CFAP221: variants seen among roughly 807,000 people sequenced by gnomAD.
The protein encoded by CFAP221 is cilia- and flagella-associated protein 221.
In CFAP221, 97 loss-of-function variants were observed where a neutral mutation model predicts 113.1. The observed-to-expected ratio is 0.86, with a 90% CI of 0.73 to 1.02. CFAP221 has a LOEUF of 1.02. CFAP221 is among the 50% of genes least tolerant of loss of function. CFAP221 has a pLI of 0.00. For synonymous variants in CFAP221, 331 were observed against 354.4 expected (o/e 0.93, Z 0.74); for missense variants, 1,025 against 1,013.4 (o/e 1.01, Z -0.16).
intron 22 of CFAP221, among the ~76,000 whole-genome samples, chr2:119,650,894 T>G (rs949092395): frequency 3.3e-5 from 5 of 152,256 alleles, no homozygotes; most frequent in African/African-American, 1.2e-4. Flanking sequence ...ATGTCACTGC[T>G]GAGTAAAGTG....
At chr2:119,623,743 A>C (rs1686101808) in intron 14 of CFAP221, among the ~76,000 whole-genome samples, 1 of 152,194 alleles carries the variant, frequency 6.6e-6, no homozygotes, top group Admixed American at 6.5e-5. Context: ...TATTTGACAA[A>C]CCTGACAAAA....
At chr2:119,553,832 C>T (rs2105023371) in intron 3 of CFAP221, among the ~76,000 whole-genome samples, 1 of 152,314 alleles carries the variant, frequency 6.6e-6, no homozygotes, top group Middle Eastern at 3.4e-3. Flanking sequence ...TCCCCAGCAC[C>T]TTGTGCAGTG....
intron 7 of CFAP221, among the ~76,000 whole-genome samples, chr2:119,596,750 G>A (rs1158659398): frequency 6.6e-6 from 1 of 152,242 alleles, no homozygotes; most frequent in Non-Finnish European, 1.5e-5. Flanking sequence ...ATCTGCTATG[G>A]CTGAGCAGGG....
chr2:119,637,700 T>C (rs1687203655), intron 19 of CFAP221, among the ~76,000 whole-genome samples: 1 of 152,100 alleles, frequency 6.6e-6, no homozygotes, highest in Non-Finnish European at 1.5e-5. Flanking sequence ...TGCTGGAAAA[T>C]TAATAAAAAA....
intron 19 of CFAP221, among the ~76,000 whole-genome samples, chr2:119,633,246 C>T (rs1686902309): frequency 6.6e-6 from 1 of 151,510 alleles, no homozygotes; most frequent in African/African-American, 2.4e-5. Context: ...AATAGAAAAC[C>T]TGAAACTATA....
intron 19 of CFAP221, among the ~76,000 whole-genome samples, chr2:119,632,594 C>G (rs1438129176): frequency 6.6e-6 from 1 of 151,456 alleles, no homozygotes; most frequent in African/African-American, 2.4e-5. Flanking sequence ...GATGTCTGCT[C>G]TCACTAATTC....
In CFAP221 at chr2:119,656,513, C is replaced by T. The variant is rs1453882277; in HGVS notation, c.*43C>T. ...GTCCCTTCCATTTGCTTTCCGTGGG[C>T]CACTGTGGCCCCTTGCGTCCATTTA... On this transcript the variant is annotated 3_prime_UTR_variant, in exon 24 of 24. Transcript: ENST00000413369. 2 of 1,380,820 alleles carry T rather than the reference C, an allele frequency of 1.4e-6. No homozygotes were observed. Among genetic ancestry groups the T allele is most frequent in the Non-Finnish European group, 2.1e-6 (2 of 973,794 alleles). The allele number at this position is 1,380,820 out of a possible 1,614,324, so 85.5% of individuals were successfully genotyped here.
At chr2:119,569,125 A>G (rs1681860077) in intron 6 of CFAP221, among the ~76,000 whole-genome samples, 2 of 150,258 alleles carry the variant, frequency 1.3e-5, no homozygotes, top group African/African-American at 4.9e-5. Context: ...GACTTCTTTC[A>G]ATTTATTTAT....
At chr2:119,593,760 C>T (rs1683757400) in intron 7 of CFAP221, among the ~76,000 whole-genome samples, 1 of 152,094 alleles carries the variant, frequency 6.6e-6, no homozygotes, top group African/African-American at 2.4e-5. Flanking sequence ...ATGGCGTGAA[C>T]CTGGGAGGCG....
At chr2:119,621,282 C>T (rs941988224) in intron 14 of CFAP221, among the ~76,000 whole-genome samples, 4 of 151,006 alleles carry the variant, frequency 2.6e-5, no homozygotes, top group South Asian at 2.1e-4. Flanking sequence ...GACTTTAAAC[C>T]GACAAAGATC....
At chr2:119,626,469 T>C (rs913456859) in intron 15 of CFAP221, among the ~76,000 whole-genome samples, 1 of 152,152 alleles carries the variant, frequency 6.6e-6, no homozygotes, top group African/African-American at 2.4e-5. Context: ...GAAGTTTGGC[T>C]GTGACTAGAC....
intron 22 of CFAP221, chr2:119,648,559 G>C (rs1687947545): frequency 5.3e-6 from 1 of 190,188 alleles, no homozygotes; most frequent in Non-Finnish European, 1.3e-5. Context: ...TGGTCCCAGA[G>C]TTCCTCCCTA....
rs1367029113 is a variant in CFAP221, at chr2:119,561,735, G to A, written c.427-279G>A. On this transcript the variant is annotated intron_variant, in intron 5 of 23. Transcript: ENST00000413369. ...TTCTTTATAATTTTCTGAAATAGAA[G>A]CAGATAGATTACTGTCTTCATATCT... Among the ~76,000 whole-genome samples the A allele has an allele frequency of 3.3e-5, 5 of 151,160 alleles. No homozygotes were observed. In the East Asian group the frequency reaches 9.6e-4, roughly 29 times the overall value.
intron 20 of CFAP221, 65 bp downstream of exon 20, chr2:119,638,482 G>A: frequency 6.3e-7 from 1 of 1,584,116 alleles, no homozygotes. Flanking sequence ...AGGGGACAAG[G>A]ACAGGGTCAC....
At chr2:119,555,646 G>C (rs897516302) in intron 3 of CFAP221, among the ~76,000 whole-genome samples, 7 of 152,190 alleles carry the variant, frequency 4.6e-5, no homozygotes, top group African/African-American at 1.7e-4. Flanking sequence ...AGGAAATGCA[G>C]GCTGGGCACT....
intron 3 of CFAP221, among the ~76,000 whole-genome samples, chr2:119,552,958 T>C (rs1157797252): frequency 3.9e-5 from 6 of 152,196 alleles, no homozygotes; most frequent in Non-Finnish European, 8.8e-5. Flanking sequence ...AAGGATTTTC[T>C]TCTGTTTAAT....
At chr2:119,601,457 T>G in intron 8 of CFAP221, 80 bp downstream of exon 8, 1 of 1,279,616 alleles carries the variant, frequency 7.8e-7, no homozygotes, top group South Asian at 1.9e-5. Context: ...CATTCTGTCT[T>G]TCTTGTAAAA....
At chr2:119,606,344 G>A (rs1218159276) in intron 11 of CFAP221, among the ~76,000 whole-genome samples, 1 of 151,892 alleles carries the variant, frequency 6.6e-6, no homozygotes, top group Non-Finnish European at 1.5e-5. Flanking sequence ...GAGTGTCATT[G>A]AGAGGCTGCC....
chr2:119,638,802 G>A (rs1387454807), intron 20 of CFAP221, among the ~76,000 whole-genome samples: 1 of 152,218 alleles, frequency 6.6e-6, no homozygotes, highest in South Asian at 2.1e-4. Context: ...AGTGACACAT[G>A]CAAAGAAGTG....
Sources: allele counts gnomAD v4.1 joint callset (sites outside exome capture counted in the v4.1 genomes callset), GRCh38; gene constraint gnomAD v4.1.1; transcripts MANE v1.5; gene names NCBI Gene and HGNC (gene_info 2026-07-23, HGNC 2026-07-21).